Variants in PAX3 observed in about 807,000 individuals in gnomAD.
The protein encoded by PAX3 is paired box protein Pax-3.
PAX3 carries 14 observed loss-of-function variants against 51.6 expected under a neutral mutation model. That is an observed-to-expected ratio of 0.27 (90% CI 0.18 to 0.42). The LOEUF (loss-of-function observed/expected upper bound fraction) is 0.42. Among genes scored for constraint, PAX3 ranks in the 10% least tolerant of loss-of-function variants. The pLI, the probability that PAX3 is intolerant of heterozygous loss-of-function variation, is 1.00. For missense variants in PAX3, 540 were observed against 642.8 expected (o/e 0.84, Z 1.73); for synonymous variants, 280 against 253.4 (o/e 1.11, Z -1.00).
At chr2:222,286,099 A>G (rs949072592) in intron 4 of PAX3, among the ~76,000 whole-genome samples, 2 of 152,134 alleles carry the variant, frequency 1.3e-5, no homozygotes, top group African/African-American at 4.8e-5. Context: ...CATCACACCC[A>G]GCTAATTTTT....
intron 4 of PAX3, among the ~76,000 whole-genome samples, chr2:222,250,995 C>A (rs559857262): frequency 6.6e-6 from 1 of 152,174 alleles, no homozygotes. Context: ...GAATTATCTC[C>A]CCCAACACTT....
chr2:222,209,306 A>G (rs571039504), intron 7 of PAX3, among the ~76,000 whole-genome samples: 2 of 152,330 alleles, frequency 1.3e-5, no homozygotes, highest in South Asian at 4.1e-4. Context: ...TCTGAAGACT[A>G]CAGAAAAGAC....
At chr2:222,296,924 C>T in intron 2 of PAX3, 54 bp downstream of exon 2, 1 of 1,464,158 alleles carries the variant, frequency 6.8e-7, no homozygotes, top group African/African-American at 1.4e-5. Context: ...CCGGTCTTCC[C>T]CAACACAGGG....
chr2:222,257,961 G>C (rs575285525), intron 4 of PAX3, among the ~76,000 whole-genome samples: 1 of 152,116 alleles, frequency 6.6e-6, no homozygotes, highest in Non-Finnish European at 1.5e-5. Context: ...CCCTTCTGGG[G>C]AAAAAGGAAG....
intron 7 of PAX3, among the ~76,000 whole-genome samples, chr2:222,219,360 A>T (rs1692093363): frequency 6.6e-6 from 1 of 152,158 alleles, no homozygotes; most frequent in Non-Finnish European, 1.5e-5. Flanking sequence ...TATCCTTGCC[A>T]CCTGGGCCAA....
intron 4 of PAX3, among the ~76,000 whole-genome samples, chr2:222,275,887 A>G (rs1180645860): frequency 6.6e-6 from 1 of 152,184 alleles, no homozygotes; most frequent in Non-Finnish European, 1.5e-5. Context: ...GTGAGTGTAT[A>G]TGTGTGTGTT....
chr2:222,248,355 G>A (rs1693303450), intron 4 of PAX3, among the ~76,000 whole-genome samples: 1 of 152,160 alleles, frequency 6.6e-6, no homozygotes, highest in Admixed American at 6.5e-5. Flanking sequence ...CACTGTCTGT[G>A]CTACCTTGAA....
At chr2:222,256,696 T>C (rs1693659533) in intron 4 of PAX3, among the ~76,000 whole-genome samples, 1 of 152,244 alleles carries the variant, frequency 6.6e-6, no homozygotes, top group Non-Finnish European at 1.5e-5. Flanking sequence ...TTTCTCTTCC[T>C]AAACATCATA....
chr2:222,201,074 A>G lies in PAX3; in HGVS notation c.*334T>C. On this transcript the variant is annotated 3_prime_UTR_variant, in exon 9 of 9. Transcript: ENST00000392070. ...ACACACGCACGCACGCACACAAGCA[A>G]ATGGAATGTTCTAGCTCCTCGATGA... 7.6e-7 allele frequency: 1 copy of G among 1,318,672 alleles called. No individual in the cohort carries two copies. Among genetic ancestry groups the G allele is most frequent in the Non-Finnish European group, 1.1e-6 (1 of 927,558 alleles). 81.7% of individuals were successfully genotyped at this position (1,318,672 alleles called of 1,614,324 possible).
intron 8 of PAX3, 33 bp from the exon 9 acceptor site, chr2:222,201,475 T>C: frequency 1.9e-6 from 3 of 1,613,914 alleles, no homozygotes; most frequent in South Asian, 2.2e-5. Flanking sequence ...TTTTAGGTCA[T>C]GCTGGGACAA....
At position 222,298,869 on chromosome 2, in the gene PAX3, C is replaced by A; in HGVS notation, c.-254G>T. On this transcript the variant is annotated 5_prime_UTR_variant, in exon 1 of 9. Transcript: ENST00000392070. The stretch of plus-strand genomic sequence containing the variant: ...GAGCCCAGGGCGGAAAAGTTTGGTA[C>A]GAGTCTGGGCAAATGTTCCAGCGAC... 1 of 574,614 alleles carries A rather than the reference C, an allele frequency of 1.7e-6. No homozygotes were observed. The highest frequency in any genetic ancestry group is 3.1e-6 in the Non-Finnish European group (1 of 320,060). 35.6% of individuals were successfully genotyped at this position (574,614 alleles called of 1,614,324 possible).
intron 4 of PAX3, among the ~76,000 whole-genome samples, chr2:222,283,281 A>C (rs573198197): frequency 1.3e-5 from 2 of 152,332 alleles, no homozygotes; most frequent in South Asian, 4.1e-4. Flanking sequence ...GGTGCAGAAA[A>C]GTTTATATTG....
At chr2:222,297,799 A>G (rs1574773593) in intron 1 of PAX3, among the ~76,000 whole-genome samples, 1 of 152,222 alleles carries the variant, frequency 6.6e-6, no homozygotes, top group Non-Finnish European at 1.5e-5. Context: ...CTGGGCCCCC[A>G]GCCCCCATTC....
chr2:222,215,492 G>A (rs1269486253), intron 7 of PAX3, among the ~76,000 whole-genome samples: 4 of 152,008 alleles, frequency 2.6e-5, no homozygotes, highest in Admixed American at 6.6e-5. Context: ...GAAGTCGGGT[G>A]GGGGGTGAGG....
At position 222,295,070 on chromosome 2, in the gene PAX3, T is replaced by C. The variant is rs548235008; in HGVS notation, c.451+458A>G. Among the ~76,000 whole-genome samples, 67 of 151,886 alleles carry C rather than the reference T, an allele frequency of 4.4e-4. 1 individual carries two copies. Among genetic ancestry groups the C allele is most frequent in the African/African-American group, 1.5e-3 (62 of 41,430 alleles). On this transcript the variant is annotated intron_variant, in intron 3 of 8. Coordinates refer to ENST00000392070, the MANE Select transcript of PAX3 (RefSeq NM_181458.4). ...TCCCTCCGCCTCCCCCAGGCTGCCG[T>C]GGCGGGGGGCTCCGGACCGTCCCTG...
chr2:222,284,130 A>G (rs1694743410), intron 4 of PAX3, among the ~76,000 whole-genome samples: 1 of 152,218 alleles, frequency 6.6e-6, no homozygotes, highest in African/African-American at 2.4e-5. Flanking sequence ...AGAGGGAATT[A>G]AGAAGAATCA....
chr2:222,275,373 A>G (rs1694382739), intron 4 of PAX3, among the ~76,000 whole-genome samples: 1 of 152,182 alleles, frequency 6.6e-6, no homozygotes, highest in African/African-American at 2.4e-5. Flanking sequence ...GATATCAGGT[A>G]TATACAAAAA....
chr2:222,291,902 G>T (rs1695052659), intron 4 of PAX3, among the ~76,000 whole-genome samples: 1 of 152,008 alleles, frequency 6.6e-6, no homozygotes, highest in Non-Finnish European at 1.5e-5. Context: ...AGGAGCTAGA[G>T]ATGCTGAAGA....
At chr2:222,218,408 A>G (rs1306940556) in intron 7 of PAX3, among the ~76,000 whole-genome samples, 1 of 152,222 alleles carries the variant, frequency 6.6e-6, no homozygotes, top group African/African-American at 2.4e-5. Context: ...GGTTCTTATT[A>G]GTTTTATTGC....
Sources: gnomAD v4.1 joint callset for allele counts (sites outside exome capture counted in the v4.1 genomes callset) on GRCh38, gnomAD v4.1.1 for gene constraint, MANE v1.5 for transcripts, NCBI Gene and HGNC (gene_info 2026-07-23, HGNC 2026-07-21) for gene names.